Variants in TMLHE observed in about 807,000 individuals in gnomAD.
TMLHE encodes trimethyllysine dioxygenase, mitochondrial.
Under a neutral mutation model 25.7 loss-of-function variants are expected in TMLHE, and 18 were observed. The observed-to-expected ratio is 0.70, with a 90% confidence interval of 0.48 to 1.04. TMLHE has a LOEUF of 1.04. Ranked by LOEUF, TMLHE falls within the 50% of genes least tolerant of loss-of-function variation. The pLI, the probability that TMLHE is intolerant of heterozygous loss-of-function variation, is 0.00. For synonymous variants in TMLHE, 105 were observed against 97.0 expected (o/e 1.08, Z -0.49); for missense variants, 236 against 259.0 (o/e 0.91, Z 0.61).
At chrX:155,512,869 A>G (rs1365785768) in intron 4 of TMLHE, among the ~76,000 whole-genome samples, 1 of 111,848 alleles carries the variant, frequency 8.9e-6, no homozygotes, top group Non-Finnish European at 1.9e-5. Flanking sequence ...TGAAGTATAC[A>G]TCATATATTT....
chrX:155,559,845 C>G (rs1427744211), intron 1 of TMLHE, among the ~76,000 whole-genome samples: 3 of 112,101 alleles, frequency 2.7e-5, no homozygotes, highest in Non-Finnish European at 3.8e-5. Context: ...ATATTCCAAT[C>G]CATTGTCCAT....
chrX:155,537,994 C>T (rs1247047365), intron 2 of TMLHE, among the ~76,000 whole-genome samples: 2 of 111,105 alleles, frequency 1.8e-5, no homozygotes, highest in Non-Finnish European at 3.8e-5. Flanking sequence ...TAGTATGTAA[C>T]GTCAACTCTG....
chrX:155,549,816 G>C (rs1290931185), intron 1 of TMLHE, among the ~76,000 whole-genome samples: 1 of 109,352 alleles, frequency 9.1e-6, no homozygotes, highest in Non-Finnish European at 1.9e-5. Flanking sequence ...ATGGTGGTTT[G>C]CTGCACCCAT....
chrX:155,504,451 G>T (rs1453607242), intron 6 of TMLHE, among the ~76,000 whole-genome samples: 1 of 99,422 alleles, frequency 1.0e-5, no homozygotes, highest in Non-Finnish European at 2.0e-5. Context: ...ATGGGGGCAG[G>T]TCCTTCATGG....
intron 1 of TMLHE, among the ~76,000 whole-genome samples, chrX:155,552,654 C>T (rs2067422680): frequency 9.1e-6 from 1 of 109,501 alleles, no homozygotes; most frequent in South Asian, 3.8e-4. Flanking sequence ...TTTTATTAGT[C>T]TTTTCATAAA....
At chrX:155,548,501 C>G (rs782349502) in intron 1 of TMLHE, among the ~76,000 whole-genome samples, 1 of 108,425 alleles carries the variant, frequency 9.2e-6, no homozygotes, top group African/African-American at 3.5e-5. Context: ...TTTGGGAGGT[C>G]AAGGCGGGCG....
At position 155,610,962 on chromosome X, in the gene TMLHE, G is replaced by A. The variant is rs1160362954; in HGVS notation, c.-2+1830C>T. Among the ~76,000 whole-genome samples, 3 of 111,633 alleles carry A rather than the reference G, an allele frequency of 2.7e-5. No homozygotes were observed. In the Admixed American group the frequency reaches 2.8e-4, roughly 11 times the overall value. The stretch of plus-strand genomic sequence containing the variant: ...TGATTGCCTTTGGAGTGAATGAACA[G>A]AGTATGATGAATAGAGTGAAAATAT... On this transcript the variant is annotated intron_variant, in intron 1 of 7. Transcript: ENST00000334398.
At chrX:155,591,294 A>C (rs1370762513) in intron 1 of TMLHE, among the ~76,000 whole-genome samples, 1 of 111,982 alleles carries the variant, frequency 8.9e-6, no homozygotes, top group Non-Finnish European at 1.9e-5. Flanking sequence ...AAAGAAAATC[A>C]GTGAAGAAAT....
chrX:155,549,744 G>C (rs2067400244), intron 1 of TMLHE, among the ~76,000 whole-genome samples: 1 of 109,721 alleles, frequency 9.1e-6, no homozygotes, highest in Admixed American at 9.7e-5. Context: ...TTTTAAAATT[G>C]TACTTTAAGT....
intron 1 of TMLHE, among the ~76,000 whole-genome samples, chrX:155,574,674 C>T (rs1470722440): frequency 9.0e-6 from 1 of 111,047 alleles, no homozygotes; most frequent in East Asian, 2.8e-4. Context: ...ACTCAAAGAA[C>T]AAAAGAACAA....
chrX:155,574,504 G>A (rs1353623505), intron 1 of TMLHE, among the ~76,000 whole-genome samples: 4 of 111,974 alleles, frequency 3.6e-5, no homozygotes, highest in Admixed American at 1.9e-4. Context: ...TGACCACTAA[G>A]CTATGCTGAT....
At chrX:155,522,299 A>G (rs73247692) in intron 3 of TMLHE, among the ~76,000 whole-genome samples, 51 of 111,672 alleles carry the variant, frequency 4.6e-4, no homozygotes, top group Non-Finnish European at 8.5e-4. Flanking sequence ...AATGTGTAGG[A>G]AAGTCCCATG....
At chrX:155,558,414 GAT>G (rs1199267356) in intron 1 of TMLHE, among the ~76,000 whole-genome samples, 1 of 111,614 alleles carries the variant, frequency 9.0e-6, no homozygotes, top group Non-Finnish European at 1.9e-5. Context: ...ATGTTGAAAT[GAT>G]ATGTTTATAT....
Position 155,569,218 on chromosome X carries a change from T to C in TMLHE, c.-1-23941A>G, listed in dbSNP as rs1307129990. ...AGCCTCAGGAGCCGATGCGATCACC[T>C]GGAAGAAAGGGTATCAGTGATAGAA... On this transcript the variant is annotated intron_variant, in intron 1 of 7. Coordinates refer to ENST00000334398, the MANE Select transcript of TMLHE (RefSeq NM_018196.4). 3.5e-5 allele frequency among the ~76,000 whole-genome samples: 2 copies of C among 57,076 alleles called. 1 individual carries two copies. Among genetic ancestry groups the C allele is most frequent in the African/African-American group, 8.4e-5 (2 of 23,816 alleles). 49.6% of individuals were successfully genotyped at this position (57,076 alleles called of 115,157 possible).
intron 1 of TMLHE, among the ~76,000 whole-genome samples, chrX:155,603,369 T>TGAAAGAAA (rs202078084): frequency 0.036 from 3,527 of 99,211 alleles, 86 homozygotes; most frequent in African/African-American, 0.07. Flanking sequence ...AAAGAAAGAA[T>TGAAAGAAA]GAAAGAAAGA....
chrX:155,607,611 GT>G (rs1326169799), intron 1 of TMLHE, among the ~76,000 whole-genome samples: 4 of 111,501 alleles, frequency 3.6e-5, no homozygotes, highest in Non-Finnish European at 7.5e-5. Context: ...AAGAAAGGAA[GT>G]CAAACTATCT....
chrX:155,608,370 AGGCGTCTG>A (rs1189066955), intron 1 of TMLHE, among the ~76,000 whole-genome samples: 2 of 6,464 alleles, frequency 3.1e-4, no homozygotes, highest in East Asian at 0.25. Context: ...AGAAACCAGA[AGGCGTCTG>A]CCTTCTTTAC....
At position 155,506,890 on chromosome X, in the gene TMLHE, A is replaced by C; in HGVS notation, c.995+8T>G. The C allele has an allele frequency of 1.7e-6, 2 of 1,195,018 alleles. No individual in the cohort carries two copies. Among genetic ancestry groups the C allele is most frequent in the Non-Finnish European group, 2.3e-6 (2 of 880,653 alleles). On this transcript the variant is annotated splice_region_variant and intron_variant, in intron 6 of 7. Transcript: ENST00000334398. ...TATTACAGTTGGGGATAGTTCTTTGATACTCACCTGATCAAATACAGCTCT... is the reference window on the plus strand; with the variant it reads ...TATTACAGTTGGGGATAGTTCTTTGCTACTCACCTGATCAAATACAGCTCT...
chrX:155,534,385 C>T (rs1329866317), intron 2 of TMLHE, among the ~76,000 whole-genome samples: 4 of 110,994 alleles, frequency 3.6e-5, no homozygotes, highest in African/African-American at 1.3e-4. Flanking sequence ...AGGTGCCCGC[C>T]ACCATGCCCA....
Sources: allele counts gnomAD v4.1 joint callset (sites outside exome capture counted in the v4.1 genomes callset), GRCh38; gene constraint gnomAD v4.1.1; transcripts MANE v1.5; gene names NCBI Gene and HGNC (gene_info 2026-07-23, HGNC 2026-07-21).